The following LDB2 variants were observed in gnomAD, a reference collection of about 807,000 sequenced individuals.
The protein encoded by LDB2 is LIM domain-binding protein 2.
In LDB2, 12 loss-of-function variants were observed where a neutral mutation model predicts 44.3. The observed-to-expected ratio is 0.27, with a 90% CI of 0.17 to 0.44. The LOEUF is 0.44. LDB2 is among the 20% of genes least tolerant of loss of function. The pLI is 1.00. For synonymous variants in LDB2, 164 were observed against 174.8 expected, an observed-to-expected ratio of 0.94 and a Z score of 0.49; for missense variants, 344 against 473.5, an observed-to-expected ratio of 0.73 and a Z score of 2.54.
intron 1 of LDB2, among the ~76,000 whole-genome samples, chr4:16,857,477 C>T (rs1561457158): frequency 6.6e-6 from 1 of 152,200 alleles, no homozygotes; most frequent in African/African-American, 2.4e-5. Context: ...ATCAAAAGCT[C>T]AACTCAGAAG....
intron 2 of LDB2, among the ~76,000 whole-genome samples, chr4:16,719,970 A>C (rs542953922): frequency 1.3e-5 from 2 of 152,254 alleles, no homozygotes; most frequent in Admixed American, 6.5e-5. Context: ...AGATTATTTT[A>C]AGTAAAATCA....
intron 5 of LDB2, among the ~76,000 whole-genome samples, chr4:16,570,683 T>A (rs1053618491): frequency 2.6e-5 from 4 of 151,726 alleles, no homozygotes; most frequent in Non-Finnish European, 5.9e-5. Flanking sequence ...GAGAGACTTC[T>A]TGGAGGAAGT....
chr4:16,627,662 C>T (rs1043573647), intron 2 of LDB2, among the ~76,000 whole-genome samples: 4 of 152,202 alleles, frequency 2.6e-5, no homozygotes, highest in Non-Finnish European at 5.9e-5. Flanking sequence ...GGTAGGCAGC[C>T]TCCAAGATGG....
chr4:16,676,019 A>G (rs1247350822), intron 2 of LDB2, among the ~76,000 whole-genome samples: 1 of 152,212 alleles, frequency 6.6e-6, no homozygotes, highest in Non-Finnish European at 1.5e-5. Flanking sequence ...AGTAATAATA[A>G]CAGTATTTTA....
At chr4:16,668,596 GA>G (rs1403006289) in intron 2 of LDB2, among the ~76,000 whole-genome samples, 5 of 152,216 alleles carry the variant, frequency 3.3e-5, no homozygotes, top group Admixed American at 1.3e-4. Context: ...TCACAAATAA[GA>G]AGAATAAAAG....
intron 1 of LDB2, among the ~76,000 whole-genome samples, chr4:16,833,517 A>G (rs546379015): frequency 6.7e-6 from 1 of 149,926 alleles, no homozygotes; most frequent in African/African-American, 2.5e-5. Flanking sequence ...CGGTCCCAAC[A>G]GCTTCACTTT....
intron 1 of LDB2, among the ~76,000 whole-genome samples, chr4:16,813,245 C>A (rs1420970948): frequency 6.6e-6 from 1 of 152,158 alleles, no homozygotes; most frequent in Non-Finnish European, 1.5e-5. Context: ...CTCAGCCTCC[C>A]AAAGTGCTGG....
intron 2 of LDB2, among the ~76,000 whole-genome samples, chr4:16,719,785 T>G (rs1172689217): frequency 3.3e-5 from 5 of 152,088 alleles, no homozygotes; most frequent in Non-Finnish European, 5.9e-5. Context: ...TTATGCATTA[T>G]TTGTTATCAT....
chr4:16,599,185 G>A (rs772369166), intron 2 of LDB2, among the ~76,000 whole-genome samples: 1 of 152,066 alleles, frequency 6.6e-6, no homozygotes, highest in African/African-American at 2.4e-5. Context: ...TCATAGTCCC[G>A]ACAATCAGAC....
intron 2 of LDB2, among the ~76,000 whole-genome samples, chr4:16,684,382 C>T (rs1748707167): frequency 6.6e-6 from 1 of 152,160 alleles, no homozygotes; most frequent in African/African-American, 2.4e-5. Context: ...GAGAAGAAAA[C>T]ATGACTGCAG....
intron 2 of LDB2, among the ~76,000 whole-genome samples, chr4:16,633,669 T>G (rs1732687398): frequency 6.6e-6 from 1 of 152,158 alleles, no homozygotes; most frequent in South Asian, 2.1e-4. Context: ...ATCAGTATCA[T>G]GAAAATGGCC....
At chr4:16,746,908 T>C (rs1021358286) in intron 2 of LDB2, among the ~76,000 whole-genome samples, 4 of 152,130 alleles carry the variant, frequency 2.6e-5, no homozygotes, top group African/African-American at 9.7e-5. Flanking sequence ...ATTGTGCCAA[T>C]TAAAAGGTGC....
chr4:16,579,143 AT>A (rs901760724), intron 5 of LDB2, among the ~76,000 whole-genome samples: 15 of 152,210 alleles, frequency 9.9e-5, no homozygotes, highest in African/African-American at 3.4e-4. Context: ...CAGTAAAAAA[AT>A]AATTTAATTG....
At chr4:16,868,449 T>C (rs1348283571) in intron 1 of LDB2, among the ~76,000 whole-genome samples, 1 of 152,178 alleles carries the variant, frequency 6.6e-6, no homozygotes, top group African/African-American at 2.4e-5. Context: ...AAACTCTTAA[T>C]ATCAGAGAGG....
At chr4:16,838,306 G>A (rs1785255969) in intron 1 of LDB2, among the ~76,000 whole-genome samples, 1 of 152,176 alleles carries the variant, frequency 6.6e-6, no homozygotes, top group African/African-American at 2.4e-5. Flanking sequence ...CAGATGCAGA[G>A]ACTCAAACTA....
At chr4:16,748,092 T>C (rs1764737529) in intron 2 of LDB2, among the ~76,000 whole-genome samples, 1 of 152,186 alleles carries the variant, frequency 6.6e-6, no homozygotes, top group Non-Finnish European at 1.5e-5. Context: ...AAGGGAGTAA[T>C]GGTGCTGTGC....
chr4:16,577,382 C>T (rs568506294), intron 5 of LDB2, among the ~76,000 whole-genome samples: 11 of 152,150 alleles, frequency 7.2e-5, no homozygotes, highest in East Asian at 1.9e-4. Flanking sequence ...AGTAAAGTTG[C>T]GCAATACAAA....
intron 1 of LDB2, among the ~76,000 whole-genome samples, chr4:16,768,636 C>G (rs929328121): frequency 1.3e-5 from 2 of 152,166 alleles, no homozygotes; most frequent in Admixed American, 1.3e-4. Context: ...CATTTGTTTT[C>G]CAAGACTGTA....
chr4:16,846,569 G>A (rs1348017006), intron 1 of LDB2, among the ~76,000 whole-genome samples: 2 of 152,128 alleles, frequency 1.3e-5, no homozygotes, highest in Non-Finnish European at 2.9e-5. Context: ...TAGTTTGAGA[G>A]AGTATTTCTA....
Sources: gnomAD v4.1 joint callset for allele counts (sites outside exome capture counted in the v4.1 genomes callset) on GRCh38, gnomAD v4.1.1 for gene constraint, MANE v1.5 for transcripts, NCBI Gene and HGNC (gene_info 2026-07-23, HGNC 2026-07-21) for gene names.